MEI1: variants seen among roughly 807,000 people sequenced by gnomAD.
The protein encoded by MEI1 is meiotic double-stranded break formation protein 1.
Under a neutral mutation model 146.2 loss-of-function variants are expected in MEI1, and 103 were observed. That is an observed-to-expected ratio of 0.70 (90% confidence interval 0.60 to 0.83). The LOEUF (loss-of-function observed/expected upper bound fraction) is 0.83. MEI1 is among the 40% of genes least tolerant of loss of function. The pLI is 0.00. For synonymous variants in MEI1, 652 were observed against 628.2 expected, an observed-to-expected ratio of 1.04 and a Z score of -0.57; for missense variants, 1,529 against 1,533.0, an observed-to-expected ratio of 1.00 and a Z score of 0.04.
In MEI1 at chr22:41,781,359, G is replaced by T. The variant is rs1222933437; in HGVS notation, c.2891G>T (p.Ser964Ile). Residue 964 changes from serine to isoleucine, a missense_variant, in exon 23 of 31, where the codon AGC becomes ATC. Around this residue, in one of 3 missense-constraint regions of MEI1, gnomAD observed 1,212 missense variants for 1,178.9 expected, o/e 1.03. Transcript: ENST00000401548. ...LQPSFNFLYW[S>I]LHQTTPSSQK... ...CCCTCCTTCAACTTCCTGTATTGGAGCCTTCATCAGACCACACCCAGCAGT... is the reference window on the plus strand; with the variant it reads ...CCCTCCTTCAACTTCCTGTATTGGATCCTTCATCAGACCACACCCAGCAGT... The T allele has an allele frequency of 5.0e-6, 8 of 1,613,548 alleles. No homozygotes were observed. The highest frequency in any genetic ancestry group is 6.8e-6 in the Non-Finnish European group (8 of 1,179,760).
rs200125287 is a variant in MEI1 at position 41,781,818 on chromosome 22, T to C, written c.3060T>C (p.Ser1020=). Residue 1020 remains serine, a synonymous_variant, in exon 24 of 31, where the codon TCT becomes TCC. Coordinates refer to ENST00000401548, the MANE Select transcript of MEI1 (RefSeq NM_152513.4). ...CSAWLLTASF[S]AQQHKGSLQV... The stretch of plus-strand genomic sequence containing the variant: ...CCTGGCTGCTCACTGCCTCCTTCTC[T>C]GCCCAGCAGCACAAGGGCAGTTTGC... 188 of 1,614,004 alleles carry C rather than the reference T, an allele frequency of 1.2e-4. No individual in the cohort carries two copies. The African/African-American group carries it at 2.2e-3, about 19-fold the overall frequency.
intron 6 of MEI1, among the ~76,000 whole-genome samples, chr22:41,721,793 T>C (rs2147432981): frequency 7.4e-6 from 1 of 135,692 alleles, no homozygotes; most frequent in African/African-American, 2.8e-5. Context: ...CGATCTCAGC[T>C]CACTGCAACC....
At chr22:41,799,144 G>A in intron 30 of MEI1, 110 bp from the exon 31 acceptor site, 1 of 945,484 alleles carries the variant, frequency 1.1e-6, no homozygotes, top group Non-Finnish European at 1.7e-6. Flanking sequence ...ATTCTCAGGA[G>A]CACTTCTGTT....
intron 7 of MEI1, among the ~76,000 whole-genome samples, chr22:41,724,394 C>T (rs188156422): frequency 6.6e-6 from 1 of 151,448 alleles, no homozygotes; most frequent in Non-Finnish European, 1.5e-5. Flanking sequence ...CCAAGGCTGG[C>T]GGATCATGAG....
At position 41,702,057 on chromosome 22, in the gene MEI1, C is replaced by G. The variant is rs1362798216; in HGVS notation, c.175-1274C>G. Among the ~76,000 whole-genome samples, 3 of 152,110 alleles carry G rather than the reference C, an allele frequency of 2.0e-5. No homozygotes were observed. In the East Asian group the frequency reaches 5.8e-4, roughly 29 times the overall value. ...TATAGATCACTACCTTAATCTATTA[C>G]GTAGGATGAATTGGTGAAGGAAAAA... On this transcript the variant is annotated intron_variant, in intron 1 of 30. Coordinates refer to ENST00000401548, the MANE Select transcript of MEI1 (RefSeq NM_152513.4).
At chr22:41,771,083 T>A in intron 20 of MEI1, 122 bp downstream of exon 20, 3 of 1,090,728 alleles carry the variant, frequency 2.8e-6, no homozygotes, top group Non-Finnish European at 4.0e-6. Context: ...CTTATCACTG[T>A]CTGCATGTGA....
At chr22:41,720,597 ATTTTTTT>A (rs71184835) in intron 6 of MEI1, among the ~76,000 whole-genome samples, 1 of 124,846 alleles carries the variant, frequency 8.0e-6, no homozygotes, top group Non-Finnish European at 1.6e-5. Context: ...GCCTGGCTCA[ATTTTTTT>A]TTTTTTTTTT....
chr22:41,796,384 CAG>C (rs2076358088), intron 30 of MEI1, among the ~76,000 whole-genome samples: 2 of 148,464 alleles, frequency 1.3e-5, no homozygotes, highest in Admixed American at 1.4e-4. Flanking sequence ...TTAGTAGAGA[CAG>C]GGTTTCACCA....
At chr22:41,716,240 G>T in intron 5 of MEI1, 94 bp downstream of exon 5, 1 of 813,608 alleles carries the variant, frequency 1.2e-6, no homozygotes, top group Non-Finnish European at 2.0e-6. Flanking sequence ...CACCTGGGAA[G>T]TCATTACTTT....
chr22:41,762,622 A>G (rs1272187710), intron 18 of MEI1, among the ~76,000 whole-genome samples: 1 of 150,866 alleles, frequency 6.6e-6, no homozygotes, highest in Non-Finnish European at 1.5e-5. Context: ...CCTGGCCTCA[A>G]GCAGTTCTCC....
At position 41,795,684 on chromosome 22, in the gene MEI1, G is replaced by T; in HGVS notation, c.3667-51G>T. 1 of 1,595,992 alleles carries T rather than the reference G, an allele frequency of 6.3e-7. No individual in the cohort carries two copies. The highest frequency in any genetic ancestry group is 8.6e-7 in the Non-Finnish European group (1 of 1,168,254). On this transcript the variant is annotated intron_variant, in intron 29 of 30. Transcript: ENST00000401548. This position sits in a 1 kb window ranked among gnomAD's most constrained non-coding sequence, Gnocchi z 4.2. ...GAGGATGGAGGCAGTTAGGGCCTGT[G>T]TGGAATGGGCACTGAGGAGGCCTGT...
rs937373269 is a variant in MEI1 at position 41,788,195 on chromosome 22, A to T, written c.3345+3412A>T. On this transcript the variant is annotated intron_variant, in intron 26 of 30. Coordinates refer to ENST00000401548, the MANE Select transcript of MEI1 (RefSeq NM_152513.4). Reference sequence around the variant, plus strand: ...CAGGTACGCACCACAATGCCTGGCTAATTTTGTATTTTTAGTAGACATGAG... The same window carrying T: ...CAGGTACGCACCACAATGCCTGGCTTATTTTGTATTTTTAGTAGACATGAG... 3.3e-5 allele frequency among the ~76,000 whole-genome samples: 5 copies of T among 151,786 alleles called. No homozygotes were observed. The East Asian group carries it at 7.8e-4, about 24-fold the overall frequency.
In MEI1 at chr22:41,730,609, CT is replaced by C. The variant is rs1280411643; in HGVS notation, c.1075del (p.Ser359ProfsTer13). ...TGACACTCCTGGTAGAAGAGCCACT[CT>C]TTTTTTCCAAGTGCCACACGGTGTA... The part of the protein sequence containing the change: ...CLTLLVEEPL[F>X]FSKCHTVYGI... On this transcript the variant is annotated frameshift_variant, in exon 9 of 31. Transcript: ENST00000401548. LOFTEE classifies it high-confidence loss of function. 2 of 1,613,566 alleles carry C rather than the reference CT, an allele frequency of 1.2e-6. No individual in the cohort carries two copies. The highest frequency in any genetic ancestry group is 1.7e-6 in the Non-Finnish European group (2 of 1,179,604).
At chr22:41,748,465 C>A (rs1453909843) in intron 15 of MEI1, among the ~76,000 whole-genome samples, 1 of 152,108 alleles carries the variant, frequency 6.6e-6, no homozygotes, top group African/African-American at 2.4e-5. Context: ...GGGAGGATCA[C>A]CTGAGGCTAG....
chr22:41,750,309 A>C (rs2073661065), intron 15 of MEI1, among the ~76,000 whole-genome samples: 1 of 152,244 alleles, frequency 6.6e-6, no homozygotes, highest in Non-Finnish European at 1.5e-5. Context: ...ATATTAAGGA[A>C]GCCAAATGAA....
At chr22:41,749,339 G>A (rs1476315121) in intron 15 of MEI1, among the ~76,000 whole-genome samples, 2 of 151,610 alleles carry the variant, frequency 1.3e-5, no homozygotes, top group South Asian at 2.1e-4. Context: ...GCAATGGCAC[G>A]ATCTCGGCTC....
At chr22:41,748,604 C>A (rs1191626862) in intron 15 of MEI1, among the ~76,000 whole-genome samples, 1 of 152,142 alleles carries the variant, frequency 6.6e-6, no homozygotes, top group African/African-American at 2.4e-5. Context: ...TAAGTTCTTA[C>A]AGTGTGTGAG....
intron 1 of MEI1, 69 bp downstream of exon 1, chr22:41,699,781 C>T: frequency 1.4e-6 from 2 of 1,474,898 alleles, no homozygotes; most frequent in Non-Finnish European, 1.8e-6. Context: ...CGGCCAGGCC[C>T]TTGCCAGACC....
chr22:41,714,501 T>C (rs558257168), intron 4 of MEI1, among the ~76,000 whole-genome samples: 2 of 152,320 alleles, frequency 1.3e-5, no homozygotes, highest in South Asian at 2.1e-4. Context: ...TACTTTGTAC[T>C]GAAGGCGTTT....
Sources: gnomAD v4.1 joint callset for allele counts (sites outside exome capture counted in the v4.1 genomes callset) on GRCh38, gnomAD v4.1.1 for gene constraint, gnomAD v4.1.1 regional missense constraint, Gnocchi (gnomAD v3.1) non-coding constraint, MANE v1.5 for transcripts, NCBI Gene and HGNC (gene_info 2026-07-23, HGNC 2026-07-21) for gene names.